Variants in MYT1L observed in about 807,000 individuals in gnomAD.
MYT1L encodes the protein myelin transcription factor 1 like.
A neutral mutation model predicts 126.7 loss-of-function variants in MYT1L; 12 were observed. The observed-to-expected ratio is 0.09, with a 90% CI of 0.06 to 0.15. MYT1L has a LOEUF of 0.15. MYT1L is among the 10% of genes least tolerant of loss of function. The pLI is 1.00. For missense variants in MYT1L, 979 were observed against 1,585.2 expected (o/e 0.62, Z 6.49); for synonymous variants, 541 against 604.2 (o/e 0.90, Z 1.53).
intron 2 of MYT1L, among the ~76,000 whole-genome samples, chr2:2,266,137 G>A (rs968066162): frequency 6.6e-6 from 1 of 152,130 alleles, no homozygotes; most frequent in South Asian, 2.1e-4. Flanking sequence ...ATAGCTCTAC[G>A]AGGCAGGTTC....
At chr2:2,266,890 G>C (rs1031881819) in intron 2 of MYT1L, among the ~76,000 whole-genome samples, 1 of 152,194 alleles carries the variant, frequency 6.6e-6, no homozygotes, top group Non-Finnish European at 1.5e-5. Context: ...CCATGATTGT[G>C]AGGCCTCCCA....
intron 3 of MYT1L, among the ~76,000 whole-genome samples, chr2:2,099,123 T>C (rs1054891844): frequency 2.1e-4 from 32 of 152,198 alleles, no homozygotes; most frequent in Admixed American, 2.0e-3. Flanking sequence ...AGGTCTTAAA[T>C]GTATTTCTTT....
At chr2:2,054,917 G>T (rs1365332625) in intron 3 of MYT1L, among the ~76,000 whole-genome samples, 1 of 151,678 alleles carries the variant, frequency 6.6e-6, no homozygotes, top group African/African-American at 2.4e-5. Context: ...TGGAGATTAT[G>T]AACACATGGA....
chr2:1,959,262 C>T (rs556594918), intron 8 of MYT1L, among the ~76,000 whole-genome samples: 2 of 152,174 alleles, frequency 1.3e-5, no homozygotes, highest in African/African-American at 4.8e-5. Flanking sequence ...GGTCCACGTG[C>T]CTTAAGATAC....
At chr2:2,271,876 G>A (rs1250041099) in intron 2 of MYT1L, among the ~76,000 whole-genome samples, 2 of 152,186 alleles carry the variant, frequency 1.3e-5, no homozygotes, top group East Asian at 1.9e-4. Context: ...CCATAATAGC[G>A]GTGTTTTTAC....
intron 4 of MYT1L, among the ~76,000 whole-genome samples, chr2:2,009,896 G>A (rs1225496612): frequency 2.3e-5 from 3 of 132,732 alleles, no homozygotes; most frequent in Non-Finnish European, 5.0e-5. Context: ...AAACTGTTAA[G>A]AGTTTTTTTT....
chr2:2,004,023 C>CTTTCCTGCATGCATTCTTTCCTGCATGCA (rs2062745431), intron 4 of MYT1L, among the ~76,000 whole-genome samples: 2 of 135,362 alleles, frequency 1.5e-5, no homozygotes, highest in South Asian at 2.4e-4. Flanking sequence ...TCCTGCATGC[C>CTTTCCTGCATGCATTCTTTCCTGCATGCA]TTCTTTCCTG....
chr2:2,191,854 T>C (rs1193521797), intron 2 of MYT1L, among the ~76,000 whole-genome samples: 1 of 152,206 alleles, frequency 6.6e-6, no homozygotes, highest in African/African-American at 2.4e-5. Context: ...TTAGCCCAGG[T>C]TTTATGAATT....
chr2:2,313,596 C>T (rs1490023208), intron 1 of MYT1L, among the ~76,000 whole-genome samples: 1 of 151,884 alleles, frequency 6.6e-6, no homozygotes, highest in Non-Finnish European at 1.5e-5. Flanking sequence ...AAAGACCCTA[C>T]TTGATATCAC....
intron 2 of MYT1L, among the ~76,000 whole-genome samples, chr2:2,207,064 G>C (rs2093347879): frequency 6.6e-6 from 1 of 152,176 alleles, no homozygotes; most frequent in African/African-American, 2.4e-5. Context: ...TTTACATAAG[G>C]TGTCTTTAAA....
At chr2:2,103,012 G>A (rs2078288146) in intron 3 of MYT1L, among the ~76,000 whole-genome samples, 1 of 152,090 alleles carries the variant, frequency 6.6e-6, no homozygotes, top group Non-Finnish European at 1.5e-5. Context: ...CAGCATGCGT[G>A]TATTTAGCGC....
chr2:2,034,370 C>T (rs2066781519), intron 4 of MYT1L, among the ~76,000 whole-genome samples: 2 of 88,924 alleles, frequency 2.2e-5, no homozygotes, highest in East Asian at 3.7e-4. Context: ...AATGCGGGTG[C>T]AGAAGAGAGC....
At chr2:1,886,166 T>C (rs2048147197) in intron 18 of MYT1L, 1 of 167,226 alleles carries the variant, frequency 6.0e-6, no homozygotes, top group South Asian at 2.0e-4. Flanking sequence ...ATATTGTAAA[T>C]ACTGCTATGA....
intron 2 of MYT1L, among the ~76,000 whole-genome samples, chr2:2,230,463 C>G (rs576023591): frequency 3.7e-4 from 57 of 152,340 alleles, no homozygotes; most frequent in Admixed American, 5.9e-4. Context: ...TATGAATCGC[C>G]AATGTACTTA....
chr2:2,205,751 G>T (rs887748724), intron 2 of MYT1L, among the ~76,000 whole-genome samples: 6 of 152,090 alleles, frequency 3.9e-5, no homozygotes, highest in Non-Finnish European at 8.8e-5. Context: ...CTACAGGGTT[G>T]ATATCCACCT....
At position 1,943,123 on chromosome 2, in the gene MYT1L, C is replaced by G; in HGVS notation, c.364G>C (p.Glu122Gln). The change falls in exon 9 of 25, where the codon GAG (glutamate) becomes CAG (glutamine). Residue 122 changes from glutamate to glutamine, a missense_variant. Physicochemically the swap from Glu to Gln is conservative, Grantham distance 29. Coordinates refer to ENST00000647738, the MANE Select transcript of MYT1L (RefSeq NM_001303052.2). The surrounding 1 kb of genome is among the most constrained non-coding windows in gnomAD (Gnocchi z 4.4). ...TCCCGGTCCCCCTCCTCGTCCTCCTCGTCCTCATCCCCTGGCTCATCATTG... is the reference window on the plus strand; with the variant it reads ...TCCCGGTCCCCCTCCTCGTCCTCCTGGTCCTCATCCCCTGGCTCATCATTG... ...EDNDEPGDED[E>Q]EDEEGDREEE... The G allele has an allele frequency of 6.6e-7, 1 of 1,512,780 alleles. No homozygotes were observed. The highest frequency in any genetic ancestry group is 9.0e-7 in the Non-Finnish European group (1 of 1,111,834). The allele number at this position is 1,512,780 out of a possible 1,614,324, so 93.7% of individuals were successfully genotyped here.
chr2:2,271,998 TCA>T (rs2095272812), intron 2 of MYT1L, among the ~76,000 whole-genome samples: 1 of 152,154 alleles, frequency 6.6e-6, no homozygotes, highest in African/African-American at 2.4e-5. Context: ...TGTTAGACAC[TCA>T]CAGGCTACAC....
intron 3 of MYT1L, among the ~76,000 whole-genome samples, chr2:2,122,958 G>A (rs2081245942): frequency 6.6e-6 from 1 of 151,982 alleles, no homozygotes; most frequent in Admixed American, 6.6e-5. Context: ...GACAGGGACA[G>A]TAGGAGAGAG....
At position 1,836,565 on chromosome 2, in the gene MYT1L, C is replaced by T. The variant is rs1469579490; in HGVS notation, c.3080+2584G>A. Among the ~76,000 whole-genome samples, 3 of 150,474 alleles carry T rather than the reference C, an allele frequency of 2.0e-5. No individual in the cohort carries two copies. The East Asian group carries it at 5.9e-4, about 30-fold the overall frequency. ...TTCCATCAGCCTGTGCCCCAAAATT[C>T]TATCAGCCCGCCCCCAATATTCCAT... On this transcript the variant is annotated intron_variant, in intron 21 of 24. Coordinates refer to ENST00000647738, the MANE Select transcript of MYT1L (RefSeq NM_001303052.2).
Sources: gnomAD v4.1 joint callset for allele counts (sites outside exome capture counted in the v4.1 genomes callset) on GRCh38, gnomAD v4.1.1 for gene constraint, Gnocchi (gnomAD v3.1) non-coding constraint, MANE v1.5 for transcripts, NCBI Gene and HGNC (gene_info 2026-07-23, HGNC 2026-07-21) for gene names.